DDX31: variants seen among roughly 807,000 people sequenced by gnomAD.
DDX31 encodes ATP-dependent DNA helicase DDX31.
A neutral mutation model predicts 91.3 loss-of-function variants in DDX31; 70 were observed. The ratio of observed to expected loss-of-function variants is 0.77; its 90% confidence interval spans 0.63 to 0.94. DDX31 has a LOEUF of 0.94. DDX31 is among the 40% of genes least tolerant of loss of function. DDX31 has a pLI of 0.00. For synonymous variants in DDX31, 362 were observed against 350.6 expected (o/e 1.03, Z -0.36); for missense variants, 902 against 925.0 (o/e 0.98, Z 0.32).
intron 6 of DDX31, among the ~76,000 whole-genome samples, chr9:132,653,604 A>G (rs956512923): frequency 1.3e-5 from 2 of 151,754 alleles, no homozygotes; most frequent in African/African-American, 2.4e-5. Flanking sequence ...AGCTTAGCAA[A>G]AAATATACAA....
At position 132,650,232 on chromosome 9, in the gene DDX31, A is replaced by T. The variant is rs1197186183; in HGVS notation, c.740+2T>A. Reference sequence around the variant, plus strand: ...AACAACAACCAACAAACCTCTTCCTACCTGGCCTTTTCTGATTTTCTCTTC... The same window carrying T: ...AACAACAACCAACAAACCTCTTCCTTCCTGGCCTTTTCTGATTTTCTCTTC... On this transcript the variant is annotated splice_donor_variant, in intron 9 of 19. Transcript: ENST00000372159. LOFTEE classifies it high-confidence loss of function. 2 of 1,613,808 alleles carry T rather than the reference A, an allele frequency of 1.2e-6. No individual in the cohort carries two copies. The highest frequency in any genetic ancestry group is 2.7e-5 in the African/African-American group (2 of 74,904).
intron 6 of DDX31, among the ~76,000 whole-genome samples, chr9:132,654,378 AGGT>A (rs1834414179): frequency 6.6e-6 from 1 of 152,208 alleles, no homozygotes; most frequent in Non-Finnish European, 1.5e-5. Flanking sequence ...TGGGAGGCTG[AGGT>A]GGGTGGATTA....
At chr9:132,652,534 A>G (rs773767669) in intron 6 of DDX31, 42 bp from the exon 7 acceptor site, 5 of 1,612,892 alleles carry the variant, frequency 3.1e-6, no homozygotes, top group Middle Eastern at 1.8e-4. Context: ...CAGGATAAAC[A>G]AAGGCAGACT....
At chr9:132,651,940 T>C (rs1167500897) in intron 7 of DDX31, among the ~76,000 whole-genome samples, 2 of 152,194 alleles carry the variant, frequency 1.3e-5, no homozygotes. Context: ...TGATTAGCAT[T>C]TGATATAGAA....
Position 132,648,515 on chromosome 9 carries a change from AG to A in DDX31, c.776del (p.Pro259LeufsTer8). 1 of 1,613,680 alleles carries A rather than the reference AG, an allele frequency of 6.2e-7. No homozygotes were observed. The highest frequency in any genetic ancestry group is 8.5e-7 in the Non-Finnish European group (1 of 1,179,876). On this transcript the variant is annotated frameshift_variant, in exon 10 of 20. Coordinates refer to ENST00000372159, the MANE Select transcript of DDX31 (RefSeq NM_022779.9). LOFTEE classifies it high-confidence loss of function. ...ATTTTATATGATCCACCAGGCGTCCAGGAGTTGAGATAAGGATATTTATTCC... is the reference window on the plus strand; with the variant it reads ...ATTTTATATGATCCACCAGGCGTCCAGAGTTGAGATAAGGATATTTATTCC... ...RKGINILIST[P>X]GRLVDHIKST...
At chr9:132,601,113 C>T (rs1284583674) in intron 19 of DDX31, among the ~76,000 whole-genome samples, 1 of 152,204 alleles carries the variant, frequency 6.6e-6, no homozygotes, top group Non-Finnish European at 1.5e-5. Flanking sequence ...CAGCCCCACA[C>T]CCCAGAGCGC....
intron 19 of DDX31, among the ~76,000 whole-genome samples, chr9:132,611,719 C>T (rs1347532157): frequency 1.3e-5 from 2 of 152,086 alleles, no homozygotes; most frequent in Admixed American, 6.6e-5. Flanking sequence ...TCAGCAGCTC[C>T]TGGAATCTGA....
chr9:132,598,077 C>T (rs752832181), intron 19 of DDX31, among the ~76,000 whole-genome samples: 1 of 152,108 alleles, frequency 6.6e-6, no homozygotes, highest in Non-Finnish European at 1.5e-5. Context: ...CAGAGGGTGG[C>T]ATTTTCTAGC....
chr9:132,649,325 C>A (rs144248386), intron 9 of DDX31, among the ~76,000 whole-genome samples: 1 of 152,130 alleles, frequency 6.6e-6, no homozygotes, highest in Non-Finnish European at 1.5e-5. Flanking sequence ...AAAGGGAACA[C>A]GCCAATCACA....
In DDX31 at chr9:132,661,257, AGAG is replaced by A. The variant is rs553914069; in HGVS notation, c.409-9_409-7del. ...ACCGTATTTATTGTGGAAATCTAAA[AGAG>A]GAGATGAAAAAGCTTTAATTAATAT... On this transcript the variant is annotated splice_polypyrimidine_tract_variant and splice_region_variant and intron_variant, in intron 3 of 19. Coordinates refer to ENST00000372159, the MANE Select transcript of DDX31 (RefSeq NM_022779.9). 1.1e-3 allele frequency: 1,695 copies of A among 1,595,718 alleles called. 37 individuals carry two copies. The Admixed American group carries it at 0.028, about 26-fold the overall frequency.
intron 6 of DDX31, among the ~76,000 whole-genome samples, chr9:132,655,845 C>T (rs1834528521): frequency 6.6e-6 from 1 of 152,086 alleles, no homozygotes; most frequent in Non-Finnish European, 1.5e-5. Flanking sequence ...TCGTGTTTTG[C>T]ATAAGAAACA....
chr9:132,643,408 G>A (rs1360034944), intron 13 of DDX31, among the ~76,000 whole-genome samples: 4 of 152,222 alleles, frequency 2.6e-5, no homozygotes, highest in Non-Finnish European at 4.4e-5. Flanking sequence ...AGTCTCTGCC[G>A]CTTTGGCACA....
At chr9:132,638,819 G>GA (rs1833293270) in intron 14 of DDX31, among the ~76,000 whole-genome samples, 1 of 152,174 alleles carries the variant, frequency 6.6e-6, no homozygotes, top group Admixed American at 6.5e-5. Flanking sequence ...AACCATGAAG[G>GA]AAACAGCGTA....
intron 19 of DDX31, among the ~76,000 whole-genome samples, chr9:132,597,280 G>A (rs2058689578): frequency 6.6e-6 from 1 of 152,226 alleles, no homozygotes; most frequent in Non-Finnish European, 1.5e-5. Flanking sequence ...GCTGGGGGCT[G>A]ACCTGTGGTT....
At chr9:132,656,943 A>AG (rs1037482981) in intron 6 of DDX31, among the ~76,000 whole-genome samples, 18 of 152,206 alleles carry the variant, frequency 1.2e-4, no homozygotes, top group African/African-American at 4.3e-4. Context: ...AGCACTTAAT[A>AG]GGGGGAAAAA....
intron 7 of DDX31, among the ~76,000 whole-genome samples, chr9:132,651,516 C>A (rs186894631): frequency 6.6e-6 from 1 of 152,130 alleles, no homozygotes; most frequent in Non-Finnish European, 1.5e-5. Flanking sequence ...ACAATAGTGA[C>A]GCAACAGGGT....
In DDX31 at chr9:132,618,384, C is replaced by A; in HGVS notation, c.1771G>T (p.Val591Leu). Reference sequence around the variant, plus strand: ...CTGGAGTGCACGTAATCTTCAAATACCGTCTGCAAGACTGTGGCTCGCTCT... The same window carrying A: ...CTGGAGTGCACGTAATCTTCAAATAACGTCTGCAAGACTGTGGCTCGCTCT... The part of the protein sequence containing the change: ...IRERATVLQT[V>L]FEDYVHSSER... The change falls in exon 18 of 20, where the codon GTA becomes TTA. Residue 591 changes from valine (V) to leucine (L), a missense_variant. Physicochemically the swap from Val to Leu is conservative, Grantham distance 32 (BLOSUM62 1). Transcript: ENST00000372159. 4 of 1,612,398 alleles carry A rather than the reference C, an allele frequency of 2.5e-6. No individual in the cohort carries two copies. The highest frequency in any genetic ancestry group is 2.5e-6 in the Non-Finnish European group (3 of 1,179,376).
In DDX31 at chr9:132,630,052, G is replaced by A. The variant is rs993254819; in HGVS notation, c.1631+212C>T. Among the ~76,000 whole-genome samples the A allele has an allele frequency of 2.6e-5, 4 of 152,208 alleles. No homozygotes were observed. In the South Asian group the frequency reaches 6.2e-4, roughly 24 times the overall value. On this transcript the variant is annotated intron_variant, in intron 16 of 19. Transcript: ENST00000372159. ...AAAAGAAAACCAAGTACAACACATCGTCCTATGACTTAGTCTGGCAACGCA... is the reference window on the plus strand; with the variant it reads ...AAAAGAAAACCAAGTACAACACATCATCCTATGACTTAGTCTGGCAACGCA...
intron 1 of DDX31, chr9:132,663,392 C>CT (rs1196330237): frequency 1.0e-5 from 10 of 985,290 alleles, no homozygotes; most frequent in Non-Finnish European, 1.2e-5. Flanking sequence ...TTTCGAGTCT[C>CT]TGAGTCCCCG....
Sources: gnomAD v4.1 joint callset for allele counts (sites outside exome capture counted in the v4.1 genomes callset) on GRCh38, gnomAD v4.1.1 for gene constraint, MANE v1.5 for transcripts, NCBI Gene and HGNC (gene_info 2026-07-23, HGNC 2026-07-21) for gene names.